JAZF1: variants seen among roughly 807,000 people sequenced by gnomAD.
JAZF1 encodes juxtaposed with another zinc finger protein 1.
A neutral mutation model predicts 26.4 loss-of-function variants in JAZF1; 8 were observed. That is an observed-to-expected ratio of 0.30 (90% CI 0.18 to 0.55). JAZF1 has a LOEUF of 0.55. Among genes scored for constraint, JAZF1 ranks in the 20% least tolerant of loss-of-function variants. The pLI is 0.94. For missense variants in JAZF1, 199 were observed against 322.0 expected, an observed-to-expected ratio of 0.62 and a Z score of 2.92; for synonymous variants, 126 against 122.3, an observed-to-expected ratio of 1.03 and a Z score of -0.20.
intron 3 of JAZF1, among the ~76,000 whole-genome samples, chr7:27,870,659 G>A (rs1248654641): frequency 1.3e-5 from 2 of 152,100 alleles, no homozygotes; most frequent in African/African-American, 4.8e-5. Context: ...ACTCAGCAAA[G>A]GTCCAAGCAA....
intron 1 of JAZF1, among the ~76,000 whole-genome samples, chr7:28,096,458 C>A (rs919704564): frequency 2.4e-4 from 36 of 152,276 alleles, no homozygotes; most frequent in Non-Finnish European, 5.1e-4. Context: ...TCTTACTATC[C>A]ACTATTGAGC....
At chr7:28,049,563 A>T (rs934003192) in intron 1 of JAZF1, among the ~76,000 whole-genome samples, 2 of 152,148 alleles carry the variant, frequency 1.3e-5, no homozygotes, top group Non-Finnish European at 2.9e-5. Flanking sequence ...CCACAGGTAA[A>T]GGGCTCAGTC....
At chr7:28,046,279 G>C (rs1455445444) in intron 1 of JAZF1, among the ~76,000 whole-genome samples, 1 of 152,186 alleles carries the variant, frequency 6.6e-6, no homozygotes, top group Non-Finnish European at 1.5e-5. Context: ...ACTTGCTCAA[G>C]GTCAACCAGC....
chr7:28,120,505 T>TTTTC (rs1263078496), intron 1 of JAZF1, among the ~76,000 whole-genome samples: 1 of 80,236 alleles, frequency 1.2e-5, no homozygotes, highest in Non-Finnish European at 2.2e-5. Flanking sequence ...ACAGTTCTTT[T>TTTTC]TTTTTTTTTT....
intron 2 of JAZF1, among the ~76,000 whole-genome samples, chr7:27,946,846 C>T (rs185253291): frequency 2.2e-3 from 333 of 152,290 alleles, no homozygotes; most frequent in Non-Finnish European, 3.2e-3. Context: ...ACGTGTCAGT[C>T]CTTGAACTTG....
At chr7:28,154,018 C>T (rs1026600812) in intron 1 of JAZF1, among the ~76,000 whole-genome samples, 3 of 152,046 alleles carry the variant, frequency 2.0e-5, no homozygotes, top group South Asian at 2.1e-4. Flanking sequence ...CTGGGAAATG[C>T]CAAGAATTCT....
At chr7:28,180,440 C>T (rs775117230) in intron 1 of JAZF1, 23 bp downstream of exon 1, 12 of 1,594,926 alleles carry the variant, frequency 7.5e-6, no homozygotes, top group South Asian at 1.1e-5. Flanking sequence ...CCTGGCACCC[C>T]CGCCCACCCC....
intron 1 of JAZF1, among the ~76,000 whole-genome samples, chr7:28,110,553 A>AG (rs1784639103): frequency 1.8e-5 from 1 of 56,110 alleles, no homozygotes; most frequent in African/African-American, 5.0e-5. Flanking sequence ...GAAAAGGAAA[A>AG]GGAAAGGGAA....
At chr7:28,088,701 C>T (rs1217969196) in intron 1 of JAZF1, among the ~76,000 whole-genome samples, 1 of 152,192 alleles carries the variant, frequency 6.6e-6, no homozygotes, top group Non-Finnish European at 1.5e-5. Context: ...TCCTCTGATT[C>T]TCCTCTGTTA....
Position 27,989,843 on chromosome 7 carries a change from A to T in JAZF1, c.188+2066T>A, listed in dbSNP as rs1363923406. On this transcript the variant is annotated intron_variant, in intron 2 of 4. Transcript: ENST00000283928. ...ACTTTTACACTGTTGGTGGGACTGT[A>T]AACTAGTTCAACCATTGTGGAAGAC... Among the ~76,000 whole-genome samples, 7 of 152,236 alleles carry T rather than the reference A, an allele frequency of 4.6e-5. 1 individual carries two copies. The highest frequency in any genetic ancestry group is 4.6e-4 in the Admixed American group (7 of 15,288).
intron 2 of JAZF1, among the ~76,000 whole-genome samples, chr7:27,957,412 A>G (rs780051035): frequency 6.6e-6 from 1 of 152,244 alleles, no homozygotes; most frequent in Non-Finnish European, 1.5e-5. Flanking sequence ...ACCTCCAGGT[A>G]GTTCATCTAA....
intron 1 of JAZF1, among the ~76,000 whole-genome samples, chr7:28,015,033 ATGTGTGTGTG>A (rs397804972): frequency 2.1e-5 from 3 of 140,690 alleles, no homozygotes; most frequent in Non-Finnish European, 3.0e-5. Context: ...GAAAGTGTGT[ATGTGTGTGTG>A]TGTGTGTGTG....
intron 1 of JAZF1, among the ~76,000 whole-genome samples, chr7:28,011,476 G>A (rs971341512): frequency 6.6e-5 from 10 of 152,182 alleles, no homozygotes; most frequent in African/African-American, 9.7e-5. Flanking sequence ...CATGACAAAC[G>A]TCAGCTTCTG....
intron 2 of JAZF1, among the ~76,000 whole-genome samples, chr7:27,951,928 A>G (rs569993860): frequency 3.3e-5 from 5 of 152,138 alleles, no homozygotes; most frequent in Non-Finnish European, 7.3e-5. Context: ...GTCTCCTTTC[A>G]TGCTCACTCC....
At chr7:28,005,504 G>A (rs975786032) in intron 1 of JAZF1, among the ~76,000 whole-genome samples, 1 of 151,940 alleles carries the variant, frequency 6.6e-6, no homozygotes, top group Non-Finnish European at 1.5e-5. Context: ...TCAAATGTAA[G>A]TGCACATAGG....
At chr7:27,997,423 T>A (rs769572977) in intron 1 of JAZF1, among the ~76,000 whole-genome samples, 1 of 152,298 alleles carries the variant, frequency 6.6e-6, no homozygotes, top group Non-Finnish European at 1.5e-5. Flanking sequence ...CTTCTCTGAT[T>A]CAGTTAAGTG....
chr7:28,093,660 TC>T (rs1487896865), intron 1 of JAZF1, among the ~76,000 whole-genome samples: 3 of 152,218 alleles, frequency 2.0e-5, no homozygotes, highest in African/African-American at 7.2e-5. Context: ...CAGTCAGCTC[TC>T]TCAGGCGGCG....
intron 2 of JAZF1, among the ~76,000 whole-genome samples, chr7:27,987,792 T>C (rs1182457719): frequency 2.6e-5 from 4 of 152,260 alleles, no homozygotes; most frequent in African/African-American, 9.6e-5. Context: ...ATTGTTACTG[T>C]GTCTGTGTAG....
chr7:28,076,180 C>G (rs575491300), intron 1 of JAZF1, among the ~76,000 whole-genome samples: 5 of 152,212 alleles, frequency 3.3e-5, no homozygotes, highest in African/African-American at 1.2e-4. Context: ...ATTATCAGAG[C>G]ACTTCAAGGG....
Sources: gnomAD v4.1 joint callset for allele counts (sites outside exome capture counted in the v4.1 genomes callset) on GRCh38, gnomAD v4.1.1 for gene constraint, MANE v1.5 for transcripts, NCBI Gene and HGNC (gene_info 2026-07-23, HGNC 2026-07-21) for gene names.